The following ERG variants were observed in gnomAD, a reference collection of about 807,000 sequenced individuals.
ERG encodes ETS transcription factor ERG.
In ERG, 9 loss-of-function variants were observed where a neutral mutation model predicts 55.3. The ratio of observed to expected loss-of-function variants is 0.16; its 90% confidence interval spans 0.10 to 0.28. ERG has a LOEUF of 0.28. Among genes scored for constraint, ERG ranks in the 10% least tolerant of loss-of-function variants. The pLI, the probability that ERG is intolerant of heterozygous loss-of-function variation, is 1.00. For missense variants in ERG, 434 were observed against 631.6 expected (o/e 0.69, Z 3.35); for synonymous variants, 223 against 237.3 (o/e 0.94, Z 0.55).
At chr21:38,512,962 C>A (rs1264435948) in intron 2 of ERG, among the ~76,000 whole-genome samples, 1 of 151,986 alleles carries the variant, frequency 6.6e-6, no homozygotes, top group Non-Finnish European at 1.5e-5. Flanking sequence ...GAAACCCTGT[C>A]TCTACTAAAA....
chr21:38,633,972 T>C (rs2060372820), intron 1 of ERG, among the ~76,000 whole-genome samples: 1 of 151,866 alleles, frequency 6.6e-6, no homozygotes, highest in African/African-American at 2.4e-5. Context: ...GATCACAAAA[T>C]ATAATGGTCT....
intron 2 of ERG, chr21:38,575,585 G>T: frequency 2.9e-6 from 3 of 1,046,804 alleles, no homozygotes; most frequent in Non-Finnish European, 4.5e-6. Context: ...CTAATTAACT[G>T]ATATGTGGGC....
chr21:38,532,793 C>T (rs1260435853), intron 2 of ERG, among the ~76,000 whole-genome samples: 1 of 152,218 alleles, frequency 6.6e-6, no homozygotes, highest in Admixed American at 6.5e-5. Context: ...AAGTAACTGC[C>T]ACCCTGATGT....
At chr21:38,367,879 C>T in the ERG span, among the ~76,000 whole-genome samples, 1 of 152,128 alleles carries the variant, frequency 6.6e-6, no homozygotes, top group African/African-American at 2.4e-5. Context: ...CTGCAGAGAA[C>T]AATTAGAGTG....
chr21:38,384,685 A>G (rs1987608946), intron 9 of ERG, among the ~76,000 whole-genome samples: 1 of 152,208 alleles, frequency 6.6e-6, no homozygotes, highest in Non-Finnish European at 1.5e-5. Context: ...TAGATTTAGG[A>G]AATGAACTTC....
Position 38,380,409 on chromosome 21 carries a change from C to CAA in ERG, c.*2992_*2993dup. ...GGACATAAGGGCATCAAACTAGGAA[C>CAA]AAAAACACAGTCTTGACTGTGATTT... On this transcript the variant is annotated 3_prime_UTR_variant, in exon 10 of 10. Coordinates refer to ENST00000288319, the MANE Select transcript of ERG (RefSeq NM_182918.4). 4 of 1,062,702 alleles carry CAA rather than the reference C, an allele frequency of 3.8e-6. No homozygotes were observed. The highest frequency in any genetic ancestry group is 4.6e-6 in the Non-Finnish European group (4 of 877,732). The allele number at this position is 1,062,702 out of a possible 1,614,324, so 65.8% of individuals were successfully genotyped here. A position where few individuals can be genotyped will look rare whatever the true frequency, so the allele number is the denominator to read the frequency against.
rs560698493 is a variant in ERG at position 38,381,554 on chromosome 21, C to T, written c.*1849G>A. The T allele has an allele frequency of 2.7e-5, 29 of 1,063,598 alleles. No individual in the cohort carries two copies. The African/African-American group carries it at 3.3e-4, about 12-fold the overall frequency. The allele number at this position is 1,063,598 out of a possible 1,614,324, so 65.9% of individuals were successfully genotyped here. A position where few individuals can be genotyped will look rare whatever the true frequency, so the allele number is the denominator to read the frequency against. ...AGAGAAACCCCGCAGCAAATCTAGA[C>T]GTTATCCCTTGTTTCTGTAAAGTGA... On this transcript the variant is annotated 3_prime_UTR_variant, in exon 10 of 10. Coordinates refer to ENST00000288319, the MANE Select transcript of ERG (RefSeq NM_182918.4).
rs193158679 is a variant in ERG at position 38,434,173 on chromosome 21, C to A, written c.237-10612G>T. On this transcript the variant is annotated intron_variant, in intron 2 of 9. Coordinates refer to ENST00000288319, the MANE Select transcript of ERG (RefSeq NM_182918.4). ...TGTTTAGCAAATATCTGTGGAGCAT[C>A]TTTCTAGGCCAAGCACTGCCCCAGG... 3.1e-3 allele frequency among the ~76,000 whole-genome samples: 469 copies of A among 152,296 alleles called. 2 individuals are homozygous for A. Among genetic ancestry groups the A allele is most frequent in the Non-Finnish European group, 5.0e-3 (343 of 68,020 alleles).
At chr21:38,480,662 A>T (rs990810678) in intron 1 of ERG, among the ~76,000 whole-genome samples, 18 of 127,498 alleles carry the variant, frequency 1.4e-4, no homozygotes, top group African/African-American at 5.3e-4. Flanking sequence ...GTTTATGCCA[A>T]GAATTAAGTG....
intron 4 of ERG, 75 bp from the exon 5 acceptor site, chr21:38,402,712 CAAAA>C (rs759434219): frequency 3.7e-3 from 607 of 164,462 alleles, no homozygotes; most frequent in Non-Finnish European, 4.3e-3. Flanking sequence ...ACCTTTCTTA[CAAAA>C]AAAAAAAAAA....
chr21:38,479,321 T>G (rs925861859), intron 1 of ERG, among the ~76,000 whole-genome samples: 1 of 152,150 alleles, frequency 6.6e-6, no homozygotes, highest in African/African-American at 2.4e-5. Flanking sequence ...GGGCAACCGT[T>G]GTTTGTTGGT....
Position 38,544,716 on chromosome 21 carries a change from G to C in ERG, c.-41+30946C>G, listed in dbSNP as rs925003250. On this transcript the variant is annotated intron_variant, in intron 2 of 8. Coordinates refer to the ERG transcript ENST00000398897. ...ACACAGCCCAGGCTGGATTTGAACTGATGAGGGAAAAAAAATCTCTAGTGA... is the reference window on the plus strand; with the variant it reads ...ACACAGCCCAGGCTGGATTTGAACTCATGAGGGAAAAAAAATCTCTAGTGA... 2.6e-5 allele frequency among the ~76,000 whole-genome samples: 4 copies of C among 152,212 alleles called. No homozygotes were observed. In the East Asian group the frequency reaches 5.8e-4, roughly 22 times the overall value.
intron 1 of ERG, among the ~76,000 whole-genome samples, chr21:38,611,559 C>A (rs1315444780): frequency 1.3e-5 from 2 of 152,156 alleles, no homozygotes; most frequent in Non-Finnish European, 2.9e-5. Flanking sequence ...AGATAGCTCC[C>A]GGCTCCCCCT....
intron 1 of ERG, among the ~76,000 whole-genome samples, chr21:38,622,013 G>A (rs2060293511): frequency 6.6e-6 from 1 of 152,234 alleles, no homozygotes; most frequent in Non-Finnish European, 1.5e-5. Flanking sequence ...GCCTGATCCA[G>A]GAGCCTGCAG....
At chr21:38,639,293 A>G (rs1449989849) in intron 1 of ERG, among the ~76,000 whole-genome samples, 1 of 152,222 alleles carries the variant, frequency 6.6e-6, no homozygotes, top group Non-Finnish European at 1.5e-5. Context: ...AAAACTTCCA[A>G]GCATTAGAAA....
intron 1 of ERG, among the ~76,000 whole-genome samples, chr21:38,648,216 C>T (rs1416523821): frequency 6.6e-6 from 1 of 152,150 alleles, no homozygotes; most frequent in African/African-American, 2.4e-5. Flanking sequence ...TAATTCTGAT[C>T]CTCATTTCCA....
At chr21:38,590,721 A>G (rs1341842621) in intron 1 of ERG, among the ~76,000 whole-genome samples, 1 of 152,170 alleles carries the variant, frequency 6.6e-6, no homozygotes, top group African/African-American at 2.4e-5. Flanking sequence ...CCATCCATCC[A>G]TACGCACTGA....
intron 2 of ERG, among the ~76,000 whole-genome samples, chr21:38,560,296 T>G (rs182105508): frequency 6.6e-6 from 1 of 152,010 alleles, no homozygotes; most frequent in African/African-American, 2.4e-5. Context: ...GCCCCAGAGG[T>G]GTCCCACTAG....
intron 2 of ERG, among the ~76,000 whole-genome samples, chr21:38,556,395 TGAA>T (rs1194926924): frequency 2.0e-5 from 3 of 152,018 alleles, no homozygotes; most frequent in East Asian, 1.9e-4. Flanking sequence ...GGAGAAAAAA[TGAA>T]GAAGATTATT....
Sources: allele counts gnomAD v4.1 joint callset (sites outside exome capture counted in the v4.1 genomes callset), GRCh38; gene constraint gnomAD v4.1.1; transcripts MANE v1.5; gene names NCBI Gene and HGNC (gene_info 2026-07-23, HGNC 2026-07-21).